Variants in SORCS1 observed in about 807,000 individuals in gnomAD.
SORCS1 encodes sortilin related VPS10 domain containing receptor 1, also known as VPS10 domain-containing receptor SorCS1.
Under a neutral mutation model 146.1 loss-of-function variants are expected in SORCS1, and 60 were observed. The observed-to-expected ratio is 0.41, with a 90% CI of 0.33 to 0.51. The LOEUF is 0.51. SORCS1 is among the 20% of genes least tolerant of loss of function. The pLI, the probability that SORCS1 is intolerant of heterozygous loss-of-function variation, is 0.21. For missense variants in SORCS1, 1,352 were observed against 1,487.6 expected (o/e 0.91, Z 1.50); for synonymous variants, 637 against 584.0 (o/e 1.09, Z -1.31).
rs754232153 is a variant in SORCS1, at chr10:106,667,828, C to G, written c.2190-26G>C. 2.5e-6 allele frequency: 4 copies of G among 1,586,700 alleles called. No individual in the cohort carries two copies. In the African/African-American group the frequency reaches 4.0e-5, roughly 16 times the overall value. On this transcript the variant is annotated intron_variant, in intron 16 of 25. Transcript: ENST00000263054. The stretch of plus-strand genomic sequence containing the variant: ...CTGTTAGGAAAGAGCCGAGAAAAAC[C>G]TTTCACTAGGTGGCAAAATTACTGA...
chr10:106,744,295 C>T (rs1033242544), intron 5 of SORCS1, among the ~76,000 whole-genome samples: 11 of 151,990 alleles, frequency 7.2e-5, no homozygotes, highest in African/African-American at 2.2e-4. Context: ...TTAGTAGAGA[C>T]GGGGTTTCAC....
At chr10:106,684,849 C>T (rs1475548542) in intron 10 of SORCS1, among the ~76,000 whole-genome samples, 2 of 152,174 alleles carry the variant, frequency 1.3e-5, no homozygotes, top group Non-Finnish European at 2.9e-5. Context: ...TAACAGTCTT[C>T]GTCTCCTGTA....
rs904386657 is a variant in SORCS1 at position 106,878,620 on chromosome 10, G to GTGTGTATATATATATATATATATATATA, written c.627-48948_627-48947insTATATATATATATATATATATATACACA. Among the ~76,000 whole-genome samples the GTGTGTATATATATATATATATATATATA allele has an allele frequency of 1.9e-4, 16 of 84,948 alleles. 1 individual carries two copies. Among genetic ancestry groups the GTGTGTATATATATATATATATATATATA allele is most frequent in the African/African-American group, 7.4e-4 (16 of 21,758 alleles). 55.7% of individuals were successfully genotyped at this position (84,948 alleles called of 152,430 possible). A position where few individuals can be genotyped will look rare whatever the true frequency, so the allele number is the denominator to read the frequency against. On this transcript the variant is annotated intron_variant, in intron 2 of 25. Coordinates refer to ENST00000263054, the MANE Select transcript of SORCS1 (RefSeq NM_052918.5). ...AAATTTGTTTTTTATAAACTACCTA[G>GTGTGTATATATATATATATATATATATA]TATATATATATATATATATATATAT... is the stretch of plus-strand genomic sequence containing the variant.
intron 3 of SORCS1, among the ~76,000 whole-genome samples, chr10:106,811,481 A>T (rs1249443476): frequency 6.6e-6 from 1 of 152,152 alleles, no homozygotes; most frequent in Non-Finnish European, 1.5e-5. Context: ...TAAAATGCAG[A>T]TTCTCAGAAC....
chr10:107,000,935 A>G lies in SORCS1; in HGVS notation c.559-44355T>C, dbSNP rs192751238. ...GATGGATGTTATTTGTAGAAGCAAAAATAGTGGGAGATTTAATAGAGATCA... is the reference window on the plus strand; with the variant it reads ...GATGGATGTTATTTGTAGAAGCAAAGATAGTGGGAGATTTAATAGAGATCA... On this transcript the variant is annotated intron_variant, in intron 1 of 25. Transcript: ENST00000263054. 1.4e-3 allele frequency among the ~76,000 whole-genome samples: 211 copies of G among 152,218 alleles called. 1 individual carries two copies. Among genetic ancestry groups the G allele is most frequent in the Non-Finnish European group, 1.1e-3 (76 of 68,014 alleles).
intron 2 of SORCS1, among the ~76,000 whole-genome samples, chr10:106,857,514 G>C (rs559723549): frequency 6.6e-6 from 1 of 152,178 alleles, no homozygotes; most frequent in Non-Finnish European, 1.5e-5. Flanking sequence ...AAATCATTAA[G>C]AGCAGCCACT....
intron 1 of SORCS1, among the ~76,000 whole-genome samples, chr10:107,122,288 T>G (rs1590186243): frequency 6.6e-6 from 1 of 152,326 alleles, no homozygotes; most frequent in Non-Finnish European, 1.5e-5. Context: ...TTCCATGTAC[T>G]TTTCCTTCAA....
rs1350008389 is a variant in SORCS1 at position 107,075,708 on chromosome 10, T to A, written c.558+88261A>T. 4.6e-5 allele frequency among the ~76,000 whole-genome samples: 7 copies of A among 152,134 alleles called. No individual in the cohort carries two copies. The East Asian group carries it at 7.7e-4, about 17-fold the overall frequency. On this transcript the variant is annotated intron_variant, in intron 1 of 25. Transcript: ENST00000263054. ...CAATAAATTTTTAAAAATATATATA[T>A]GGGTAGCAACTTTTGCAGTAGCTGG...
intron 3 of SORCS1, among the ~76,000 whole-genome samples, chr10:106,794,060 T>C (rs1946430764): frequency 6.6e-6 from 1 of 152,122 alleles, no homozygotes; most frequent in African/African-American, 2.4e-5. Flanking sequence ...AATGCAAACA[T>C]TAGAACCCCA....
rs111433878 is a variant in SORCS1 at position 107,150,207 on chromosome 10, C to A, written c.558+13762G>T. 3.9e-5 allele frequency among the ~76,000 whole-genome samples: 6 copies of A among 152,310 alleles called. 1 individual carries two copies. The highest frequency in any genetic ancestry group is 1.4e-4 in the African/African-American group (6 of 41,572). ...GCTCAGCACAGTGCTGACACAACAG[C>A]CACTTCAAACATGTTTTAGTATTTT... On this transcript the variant is annotated intron_variant, in intron 1 of 25. Coordinates refer to ENST00000263054, the MANE Select transcript of SORCS1 (RefSeq NM_052918.5).
intron 23 of SORCS1, among the ~76,000 whole-genome samples, chr10:106,603,200 G>C (rs1846358371): frequency 6.6e-6 from 1 of 152,118 alleles, no homozygotes; most frequent in Admixed American, 6.6e-5. Context: ...CACCCCTGAG[G>C]ACTCCGAGGG....
intron 1 of SORCS1, among the ~76,000 whole-genome samples, chr10:107,024,888 A>T (rs1482479534): frequency 6.6e-6 from 1 of 152,214 alleles, no homozygotes; most frequent in Non-Finnish European, 1.5e-5. Flanking sequence ...GACTATTATT[A>T]AATATTACAG....
chr10:106,979,727 C>T (rs1310663816), intron 1 of SORCS1, among the ~76,000 whole-genome samples: 4 of 152,166 alleles, frequency 2.6e-5, no homozygotes, highest in Admixed American at 1.3e-4. Flanking sequence ...TGCCATCACT[C>T]GTGTGGCCCT....
At chr10:106,984,388 A>G in intron 1 of SORCS1, among the ~76,000 whole-genome samples, 1 of 137,490 alleles carries the variant, frequency 7.3e-6, no homozygotes, top group South Asian at 2.4e-4. Context: ...TTAAATAGTG[A>G]TTTCCATTTT....
chr10:107,082,499 A>T, intron 1 of SORCS1, among the ~76,000 whole-genome samples: 1 of 151,030 alleles, frequency 6.6e-6, no homozygotes, highest in East Asian at 2.0e-4. Flanking sequence ...TTTTTTAGAG[A>T]CAGAGTCACG....
At chr10:106,666,580 AG>A (rs1851166966) in intron 17 of SORCS1, among the ~76,000 whole-genome samples, 1 of 147,636 alleles carries the variant, frequency 6.8e-6, no homozygotes. Context: ...TTCTTGAGAC[AG>A]AGTCTTACTC....
In SORCS1 at chr10:107,060,560, C is replaced by A. The variant is rs1383359934; in HGVS notation, c.558+103409G>T. Among the ~76,000 whole-genome samples, 1 of 152,114 alleles carries A rather than the reference C, an allele frequency of 6.6e-6. No homozygotes were observed. The highest frequency in any genetic ancestry group is 2.4e-5 in the African/African-American group (1 of 41,424). ...CAACATCCTCTCAGGCCTCAAGGAC[C>A]TTCCTTGGGATCAAAGTCATTTTTC... On this transcript the variant is annotated intron_variant, in intron 1 of 25. Transcript: ENST00000263054. This position sits in a 1 kb window ranked among gnomAD's most constrained non-coding sequence, Gnocchi z 4.1.
intron 1 of SORCS1, among the ~76,000 whole-genome samples, chr10:107,086,982 T>A (rs555335325): frequency 6.6e-4 from 100 of 152,346 alleles, no homozygotes; most frequent in Non-Finnish European, 1.2e-3. Context: ...TGAGCTGAGA[T>A]CACGGCACTG....
At chr10:106,937,510 G>A (rs1454257593) in intron 2 of SORCS1, among the ~76,000 whole-genome samples, 1 of 151,998 alleles carries the variant, frequency 6.6e-6, no homozygotes, top group Non-Finnish European at 1.5e-5. Context: ...CAGTTCCCTT[G>A]CACATGCTCT....
Sources: allele counts gnomAD v4.1 joint callset (sites outside exome capture counted in the v4.1 genomes callset), GRCh38; gene constraint gnomAD v4.1.1; non-coding constraint Gnocchi (gnomAD v3.1); transcripts MANE v1.5; gene names NCBI Gene and HGNC (gene_info 2026-07-23, HGNC 2026-07-21).